The following CAMTA1 variants were observed in gnomAD, a reference collection of about 807,000 sequenced individuals.
CAMTA1 encodes calmodulin binding transcription activator 1.
In CAMTA1, 27 loss-of-function variants were observed where a neutral mutation model predicts 170.9. The observed-to-expected ratio is 0.16, with a 90% CI of 0.12 to 0.22. CAMTA1 has a LOEUF of 0.22. Ranked by LOEUF, CAMTA1 falls within the 10% of genes least tolerant of loss-of-function variation. The pLI is 1.00. For missense variants in CAMTA1, 1,619 were observed against 2,217.2 expected (o/e 0.73, Z 5.42); for synonymous variants, 833 against 891.5 (o/e 0.93, Z 1.17).
chr1:7,380,578 A>AAAAAG (rs756647859), intron 5 of CAMTA1, among the ~76,000 whole-genome samples: 10 of 152,180 alleles, frequency 6.6e-5, no homozygotes, highest in Non-Finnish European at 8.8e-5. Context: ...CTGTCTCAAA[A>AAAAAG]AAAAGAAAAG....
At chr1:7,035,447 A>G (rs1236909136) in intron 3 of CAMTA1, among the ~76,000 whole-genome samples, 2 of 152,214 alleles carry the variant, frequency 1.3e-5, no homozygotes, top group African/African-American at 2.4e-5. Flanking sequence ...GGAATTCTAA[A>G]GTAAAACTGG....
chr1:7,124,192 A>G (rs1050532948), intron 4 of CAMTA1, among the ~76,000 whole-genome samples: 2 of 152,074 alleles, frequency 1.3e-5, no homozygotes, highest in Non-Finnish European at 2.9e-5. Context: ...CCTTGGCAAC[A>G]AGCTGTTCTG....
At chr1:7,438,093 G>A (rs2092404058) in intron 5 of CAMTA1, among the ~76,000 whole-genome samples, 1 of 152,196 alleles carries the variant, frequency 6.6e-6, no homozygotes, top group Admixed American at 6.5e-5. Flanking sequence ...CTCAGGAGTA[G>A]GGGTGTAGAG....
chr1:7,574,717 C>G (rs770206906), intron 6 of CAMTA1, among the ~76,000 whole-genome samples: 2 of 152,232 alleles, frequency 1.3e-5, no homozygotes, highest in Non-Finnish European at 2.9e-5. Context: ...TCTGTGCCTT[C>G]CTGGGGACAG....
intron 6 of CAMTA1, among the ~76,000 whole-genome samples, chr1:7,550,459 C>G (rs777066997): frequency 6.6e-6 from 1 of 151,216 alleles, no homozygotes; most frequent in Non-Finnish European, 1.5e-5. Context: ...TTTCTCCCAC[C>G]TGGACCTCCC....
At chr1:7,544,433 C>T (rs1200624362) in intron 6 of CAMTA1, among the ~76,000 whole-genome samples, 2 of 152,134 alleles carry the variant, frequency 1.3e-5, no homozygotes, top group Non-Finnish European at 2.9e-5. Context: ...AAGACTCTTT[C>T]CCACCGGTGT....
At chr1:6,924,656 A>G (rs1571756340) in intron 3 of CAMTA1, among the ~76,000 whole-genome samples, 1 of 152,170 alleles carries the variant, frequency 6.6e-6, no homozygotes, top group Non-Finnish European at 1.5e-5. Flanking sequence ...GAATGAGGAA[A>G]ATGGGTCAGC....
intron 22 of CAMTA1, among the ~76,000 whole-genome samples, chr1:7,756,708 C>T (rs2096933834): frequency 6.6e-6 from 1 of 151,666 alleles, no homozygotes. Flanking sequence ...ATTAACCAGG[C>T]GTGGTAGGGC....
At chr1:7,169,284 A>G (rs1649124451) in intron 4 of CAMTA1, among the ~76,000 whole-genome samples, 1 of 152,180 alleles carries the variant, frequency 6.6e-6, no homozygotes, top group Non-Finnish European at 1.5e-5. Flanking sequence ...AATGTCAAAC[A>G]TGAGTTTGAG....
chr1:6,903,113 G>C (rs1200930633), intron 3 of CAMTA1, among the ~76,000 whole-genome samples: 1 of 152,158 alleles, frequency 6.6e-6, no homozygotes, highest in African/African-American at 2.4e-5. Context: ...TAATAAAAAA[G>C]AATGAACTAC....
intron 7 of CAMTA1, among the ~76,000 whole-genome samples, chr1:7,644,714 T>C (rs952892618): frequency 5.9e-5 from 9 of 152,258 alleles, no homozygotes; most frequent in Non-Finnish European, 1.5e-5. Flanking sequence ...CATCATTTCA[T>C]CTCTGGTGTC....
chr1:7,627,523 A>G (rs2095641474), intron 6 of CAMTA1, among the ~76,000 whole-genome samples: 2 of 152,188 alleles, frequency 1.3e-5, no homozygotes, highest in South Asian at 2.1e-4. Context: ...AGTCTTCACA[A>G]CTACCTCAGG....
At chr1:7,727,154 G>A (rs1415831190) in intron 11 of CAMTA1, among the ~76,000 whole-genome samples, 11 of 136,078 alleles carry the variant, frequency 8.1e-5, no homozygotes, top group Admixed American at 5.7e-4. Flanking sequence ...ACAGAGTCTC[G>A]CTCTGTCGCC....
chr1:6,817,903 T>C (rs1337811384), intron 1 of CAMTA1, among the ~76,000 whole-genome samples: 1 of 152,218 alleles, frequency 6.6e-6, no homozygotes, highest in African/African-American at 2.4e-5. Context: ...TCCTGGTAGC[T>C]AGGAGTCACA....
At chr1:6,998,824 G>C (rs1418418137) in intron 3 of CAMTA1, among the ~76,000 whole-genome samples, 1 of 152,054 alleles carries the variant, frequency 6.6e-6, no homozygotes, top group African/African-American at 2.4e-5. Context: ...CCTTTTATTG[G>C]ACATCTATGT....
intron 4 of CAMTA1, among the ~76,000 whole-genome samples, chr1:7,176,421 G>A (rs1031400886): frequency 1.3e-5 from 2 of 152,192 alleles, no homozygotes; most frequent in Non-Finnish European, 2.9e-5. Context: ...CTGTACAGAG[G>A]GAGGGACCTT....
At chr1:7,077,224 GTTTTTTT>G (rs113439901) in intron 3 of CAMTA1, among the ~76,000 whole-genome samples, 7 of 118,630 alleles carry the variant, frequency 5.9e-5, no homozygotes, top group Non-Finnish European at 8.7e-5. Context: ...TTAAGGAAAG[GTTTTTTT>G]TTTTTTTTTT....
chr1:7,000,119 G>A (rs1053840260), intron 3 of CAMTA1, among the ~76,000 whole-genome samples: 2 of 152,200 alleles, frequency 1.3e-5, no homozygotes, highest in Non-Finnish European at 2.9e-5. Flanking sequence ...TGTGGTCCTC[G>A]CTCTAGGGAC....
At chr1:7,604,784 C>G (rs1380639271) in intron 6 of CAMTA1, among the ~76,000 whole-genome samples, 1 of 152,136 alleles carries the variant, frequency 6.6e-6, no homozygotes, top group Non-Finnish European at 1.5e-5. Flanking sequence ...AGTTTTTCTG[C>G]TCTGTTTTTT....
Sources: gnomAD v4.1 joint callset for allele counts (sites outside exome capture counted in the v4.1 genomes callset) on GRCh38, gnomAD v4.1.1 for gene constraint, MANE v1.5 for transcripts, NCBI Gene and HGNC (gene_info 2026-07-23, HGNC 2026-07-21) for gene names.